CLK3: variants seen among roughly 807,000 people sequenced by gnomAD.
CLK3 encodes the protein dual specificity protein kinase CLK3.
A neutral mutation model predicts 65.2 loss-of-function variants in CLK3; 24 were observed. The observed-to-expected ratio is 0.37, with a 90% CI of 0.27 to 0.52. The LOEUF (loss-of-function observed/expected upper bound fraction) is 0.52. Among genes scored for constraint, CLK3 ranks in the 20% least tolerant of loss-of-function variants. CLK3 has a pLI of 0.92. For synonymous variants in CLK3, 252 were observed against 240.8 expected, an observed-to-expected ratio of 1.05 and a Z score of -0.43; for missense variants, 506 against 660.0, an observed-to-expected ratio of 0.77 and a Z score of 2.56.
rs2062156111 is a variant in CLK3 at position 74,627,776 on chromosome 15, G to T, written c.1042+108G>T. On this transcript the variant is annotated intron_variant, in intron 9 of 12. Coordinates refer to ENST00000395066, the MANE Select transcript of CLK3 (RefSeq NM_001130028.2). This position sits in a 1 kb window ranked among gnomAD's most constrained non-coding sequence, Gnocchi z 4.3. ...TTCTCTGCCACCCAGGGCAGGCAGA[G>T]TTTCTCAGACCAAGGGGCCAGTGTC... 6.6e-7 allele frequency: 1 copy of T among 1,514,848 alleles called. No individual in the cohort carries two copies. The highest frequency in any genetic ancestry group is 1.7e-5 in the Admixed American group (1 of 58,422). 93.8% of individuals were successfully genotyped at this position (1,514,848 alleles called of 1,614,324 possible).
In CLK3 at chr15:74,615,859, C is replaced by T. The variant is rs972118948; in HGVS notation, c.-40C>T. ...CCGGAAGCGGAAGAGGCGCTCGGAGCGGGGAGTGGGGCCTAGCTGCAGCCG... is the reference window on the plus strand; with the variant it reads ...CCGGAAGCGGAAGAGGCGCTCGGAGTGGGGAGTGGGGCCTAGCTGCAGCCG... On this transcript the variant is annotated 5_prime_UTR_variant, in exon 1 of 13. Coordinates refer to ENST00000395066, the MANE Select transcript of CLK3 (RefSeq NM_001130028.2). 21 of 1,255,302 alleles carry T rather than the reference C, an allele frequency of 1.7e-5. 1 individual carries two copies. In the South Asian group the frequency reaches 6.8e-4, roughly 40 times the overall value. 77.8% of individuals were successfully genotyped at this position (1,255,302 alleles called of 1,614,324 possible). A position where few individuals can be genotyped will look rare whatever the true frequency, so the allele number is the denominator to read the frequency against.
Position 74,624,623 on chromosome 15 carries a change from T to A in CLK3, c.534-279T>A, listed in dbSNP as rs1490719067. The A allele has an allele frequency of 4.0e-6, 2 of 501,868 alleles. No individual in the cohort carries two copies. Among genetic ancestry groups the A allele is most frequent in the East Asian group, 6.7e-5 (2 of 30,038 alleles). The allele number at this position is 501,868 out of a possible 1,614,324, so 31.1% of individuals were successfully genotyped here. On this transcript the variant is annotated intron_variant, in intron 5 of 12. Coordinates refer to ENST00000395066, the MANE Select transcript of CLK3 (RefSeq NM_001130028.2). This position sits in a 1 kb window ranked among gnomAD's most constrained non-coding sequence, Gnocchi z 4.2. ...CTGGTTAAGCAGGATTGGCCTCTAC[T>A]CTCCCACACTCCTTTGGGAGCTGGC... is the stretch of plus-strand genomic sequence containing the variant.
intron 2 of CLK3, 97 bp from the exon 3 acceptor site, chr15:74,619,912 G>T: frequency 1.3e-6 from 2 of 1,567,646 alleles, no homozygotes; most frequent in Non-Finnish European, 1.7e-6. Flanking sequence ...AGCACAGGCT[G>T]TCCCCCTTTA....
chr15:74,615,324 A>C (rs554017382), upstream of CLK3: 219 of 929,414 alleles, frequency 2.4e-4, 1 homozygote, highest in Admixed American at 4.0e-3. Context: ...CACGGCTTTC[A>C]AAAAACCCGC....
At chr15:74,618,829 G>T (rs116013986) in intron 1 of CLK3, among the ~76,000 whole-genome samples, 3,704 of 152,338 alleles carry the variant, frequency 0.024, 146 homozygotes, top group African/African-American at 0.085. Flanking sequence ...GGAGGGAATA[G>T]AGTGCAGGAG....
Position 74,624,547 on chromosome 15 carries a change from G to GCATTAAAAAA in CLK3, c.534-355_534-354insCATTAAAAAA. On this transcript the variant is annotated intron_variant, in intron 5 of 12. Transcript: ENST00000395066. The surrounding 1 kb of genome is among the most constrained non-coding windows in gnomAD (Gnocchi z 4.2). ...TCGGTGGGACAGCCTGGCCAGGGTT[G>GCATTAAAAAA]GGGCTGCCTGGCCTATAGGTTAGGT... 3 of 226,870 alleles carry GCATTAAAAAA rather than the reference G, an allele frequency of 1.3e-5. No individual in the cohort carries two copies. Among genetic ancestry groups the GCATTAAAAAA allele is most frequent in the Admixed American group, 5.4e-5 (1 of 18,460 alleles). The allele number at this position is 226,870 out of a possible 1,614,324, so 14.1% of individuals were successfully genotyped here. A position where few individuals can be genotyped will look rare whatever the true frequency, so the allele number is the denominator to read the frequency against.
chr15:74,626,874 A>G (rs970994816), intron 7 of CLK3: 3 of 411,856 alleles, frequency 7.3e-6, no homozygotes, highest in Non-Finnish European at 1.5e-5. Flanking sequence ...CTTCCTGGGT[A>G]TGCGACCTGT....
At position 74,615,888 on chromosome 15, in the gene CLK3, C is replaced by G; in HGVS notation, c.-11C>G. 8.0e-7 allele frequency: 1 copy of G among 1,253,562 alleles called. No homozygotes were observed. Among genetic ancestry groups the G allele is most frequent in the African/African-American group, 1.5e-5 (1 of 65,132 alleles). 77.7% of individuals were successfully genotyped at this position (1,253,562 alleles called of 1,614,324 possible). A position where few individuals can be genotyped will look rare whatever the true frequency, so the allele number is the denominator to read the frequency against. On this transcript the variant is annotated 5_prime_UTR_variant, in exon 1 of 13. Transcript: ENST00000395066. Reference sequence around the variant, plus strand: ...GAGTGGGGCCTAGCTGCAGCCGGAGCCTGGGAGACGGTAAGTGTGGGCTGG... The same window carrying G: ...GAGTGGGGCCTAGCTGCAGCCGGAGGCTGGGAGACGGTAAGTGTGGGCTGG...
At position 74,622,465 on chromosome 15, in the gene CLK3, T is replaced by A. The variant is rs929238711; in HGVS notation, c.467-29T>A. The A allele has an allele frequency of 5.7e-6, 9 of 1,571,956 alleles. No individual in the cohort carries two copies. The highest frequency in any genetic ancestry group is 5.5e-5 in the African/African-American group (4 of 73,002). ...GCTGCCAACCCCCTGCCCTCCAGATTCTCATGCCCAATTTCTTTTCTCTCC... is the reference window on the plus strand; with the variant it reads ...GCTGCCAACCCCCTGCCCTCCAGATACTCATGCCCAATTTCTTTTCTCTCC... On this transcript the variant is annotated intron_variant, in intron 4 of 12. Transcript: ENST00000395066. This position sits in a 1 kb window ranked among gnomAD's most constrained non-coding sequence, Gnocchi z 4.6.
Position 74,624,874 on chromosome 15 carries a change from G to A in CLK3, c.534-28G>A, listed in dbSNP as rs1336101044. On this transcript the variant is annotated intron_variant, in intron 5 of 12. Coordinates refer to ENST00000395066, the MANE Select transcript of CLK3 (RefSeq NM_001130028.2). The surrounding 1 kb of genome is among the most constrained non-coding windows in gnomAD (Gnocchi z 4.2). Reference sequence around the variant, plus strand: ...GGAAGGACTGGGCAGCTGCTGATGAGAACCTCTGTTTCCTTCCCGGGTACC... The same window carrying A: ...GGAAGGACTGGGCAGCTGCTGATGAAAACCTCTGTTTCCTTCCCGGGTACC... 1 of 1,543,758 alleles carries A rather than the reference G, an allele frequency of 6.5e-7. No homozygotes were observed.
At chr15:74,619,768 A>C (rs1004007088) in intron 2 of CLK3, among the ~76,000 whole-genome samples, 1 of 152,118 alleles carries the variant, frequency 6.6e-6, no homozygotes, top group Non-Finnish European at 1.5e-5. Context: ...GAGGCACTCT[A>C]CCATACTCCC....
rs1303973845 is a variant in CLK3 at position 74,627,164 on chromosome 15, AG to A, written c.818-186del. The A allele has an allele frequency of 1.4e-6, 1 of 716,774 alleles. No homozygotes were observed. Among genetic ancestry groups the A allele is most frequent in the South Asian group, 1.4e-5 (1 of 70,058 alleles). The allele number at this position is 716,774 out of a possible 1,614,324, so 44.4% of individuals were successfully genotyped here. On this transcript the variant is annotated intron_variant, in intron 7 of 12. Coordinates refer to ENST00000395066, the MANE Select transcript of CLK3 (RefSeq NM_001130028.2). This position sits in a 1 kb window ranked among gnomAD's most constrained non-coding sequence, Gnocchi z 4.3. ...CCTGCTAAAGTATCAGAACCCTCCA[AG>A]GCCTCAAGTACAGAGAACCCTTGAG...
intron 11 of CLK3, 37 bp from the exon 12 acceptor site, chr15:74,628,905 C>T (rs1485673358): frequency 2.1e-6 from 3 of 1,457,648 alleles, no homozygotes; most frequent in Non-Finnish European, 2.9e-6. Context: ...TGTCCCCTTA[C>T]TACTCCCACA....
Position 74,627,192 on chromosome 15 carries a change from G to C in CLK3, c.818-160G>C, listed in dbSNP as rs1160131232. ...CCTCAAGTACAGAGAACCCTTGAGA[G>C]GGAGGCCAGCACAGAGGCAGGCTGT... On this transcript the variant is annotated intron_variant, in intron 7 of 12. Transcript: ENST00000395066. This position sits in a 1 kb window ranked among gnomAD's most constrained non-coding sequence, Gnocchi z 4.3. 3.8e-5 allele frequency: 28 copies of C among 731,662 alleles called. No individual in the cohort carries two copies. In the Admixed American group the frequency reaches 5.1e-4, roughly 13 times the overall value. The allele number at this position is 731,662 out of a possible 1,614,324, so 45.3% of individuals were successfully genotyped here.
At chr15:74,625,242 TGGG>T (rs2062134319) in intron 6 of CLK3, among the ~76,000 whole-genome samples, 1 of 152,102 alleles carries the variant, frequency 6.6e-6, no homozygotes, top group Non-Finnish European at 1.5e-5. Flanking sequence ...TTTTGTGAAT[TGGG>T]GAGCTCACTG....
rs532531307 is a variant in CLK3, at chr15:74,624,509, C to T, written c.534-393C>T. The T allele has an allele frequency of 2.8e-5, 6 of 210,998 alleles. No individual in the cohort carries two copies. Among genetic ancestry groups the T allele is most frequent in the East Asian group, 1.1e-4 (1 of 9,214 alleles). 13.1% of individuals were successfully genotyped at this position (210,998 alleles called of 1,614,324 possible). On this transcript the variant is annotated intron_variant, in intron 5 of 12. Transcript: ENST00000395066. The surrounding 1 kb of genome is among the most constrained non-coding windows in gnomAD (Gnocchi z 4.2). ...CAAGCTCAGGAAGGTCAAGAGGCGC[C>T]GCAGGAGGGTTCTCGGTGGGACAGC...
Position 74,627,901 on chromosome 15 carries a change from C to A in CLK3, c.1043-69C>A. 7.5e-7 allele frequency: 1 copy of A among 1,331,048 alleles called. No individual in the cohort carries two copies. Among genetic ancestry groups the A allele is most frequent in the Non-Finnish European group, 1.1e-6 (1 of 924,506 alleles). 82.5% of individuals were successfully genotyped at this position (1,331,048 alleles called of 1,614,324 possible). ...AGAGTCCTGCCAGCCGGTGTGGTGG[C>A]TGCCTTGTGACTTCCAGGCTGGAAG... On this transcript the variant is annotated intron_variant, in intron 9 of 12. Coordinates refer to ENST00000395066, the MANE Select transcript of CLK3 (RefSeq NM_001130028.2). The surrounding 1 kb of genome is among the most constrained non-coding windows in gnomAD (Gnocchi z 4.3).
Position 74,624,953 on chromosome 15 carries a change from G to A in CLK3, c.585G>A (p.Arg195=). The change falls in exon 6 of 13, where the codon CGG becomes CGA. Residue 195 remains arginine, a synonymous_variant. Coordinates refer to ENST00000395066, the MANE Select transcript of CLK3 (RefSeq NM_001130028.2). This position sits in a 1 kb window ranked among gnomAD's most constrained non-coding sequence, Gnocchi z 4.2. ...LKIIRNVGKY[R]EAARLEINVL... ...TCATCCGCAACGTGGGCAAGTACCG[G>A]GAGGCTGCCCGGCTAGAAATCAACG... The A allele has an allele frequency of 6.2e-7, 1 of 1,612,830 alleles. No individual in the cohort carries two copies. The highest frequency in any genetic ancestry group is 8.5e-7 in the Non-Finnish European group (1 of 1,179,502).
At chr15:74,629,357 G>C (rs1019672400) in intron 12 of CLK3, 17 of 529,036 alleles carry the variant, frequency 3.2e-5, no homozygotes, top group African/African-American at 2.5e-4. Flanking sequence ...CTGAGGTGAG[G>C]GGGAGGGAAG....
Sources: allele counts gnomAD v4.1 joint callset (sites outside exome capture counted in the v4.1 genomes callset), GRCh38; gene constraint gnomAD v4.1.1; non-coding constraint Gnocchi (gnomAD v3.1); transcripts MANE v1.5; gene names NCBI Gene and HGNC (gene_info 2026-07-23, HGNC 2026-07-21).